TMEM182: variants seen among roughly 807,000 people sequenced by gnomAD.
The protein encoded by TMEM182 is transmembrane protein 182.
TMEM182 carries 20 observed loss-of-function variants against 26.8 expected under a neutral mutation model. That is an observed-to-expected ratio of 0.75 (90% CI 0.53 to 1.09). TMEM182 has a LOEUF of 1.09. Among genes scored for constraint, TMEM182 ranks in the 50% least tolerant of loss-of-function variants. The probability of loss-of-function intolerance (pLI) is 0.00; values close to 1 mark genes in which losing one functional copy is unlikely to be tolerated. For missense variants in TMEM182, 277 were observed against 275.5 expected (o/e 1.01, Z -0.04); for synonymous variants, 109 against 102.2 (o/e 1.07, Z -0.40).
chr2:102,768,721 C>T (rs755672554), intron 3 of TMEM182, among the ~76,000 whole-genome samples: 15 of 151,742 alleles, frequency 9.9e-5, no homozygotes, highest in Admixed American at 7.2e-4. Flanking sequence ...TATTTTTTTG[C>T]GTGCTTTTTG....
At chr2:102,770,092 C>T (rs554631214) in intron 3 of TMEM182, among the ~76,000 whole-genome samples, 7 of 151,970 alleles carry the variant, frequency 4.6e-5, no homozygotes, top group Non-Finnish European at 7.4e-5. Flanking sequence ...GGAAAGAAGA[C>T]AGTAAAATAC....
chr2:102,763,114 A>G (rs1680283996), intron 2 of TMEM182, among the ~76,000 whole-genome samples: 1 of 152,156 alleles, frequency 6.6e-6, no homozygotes, highest in African/African-American at 2.4e-5. Flanking sequence ...CATAACTTCA[A>G]AGTTAACAGT....
At position 102,762,078 on chromosome 2, in the gene TMEM182, G is replaced by A; in HGVS notation, c.-140G>A. The A allele has an allele frequency of 1.4e-6, 1 of 717,136 alleles. No individual in the cohort carries two copies. Among genetic ancestry groups the A allele is most frequent in the South Asian group, 1.9e-5 (1 of 51,512 alleles). The allele number at this position is 717,136 out of a possible 1,614,324, so 44.4% of individuals were successfully genotyped here. On this transcript the variant is annotated 5_prime_UTR_variant, in exon 1 of 5. It removes the in-frame stop codon of an upstream open reading frame in the 5' UTR. Transcript: ENST00000412401. ...CGAGAAGCCACCAAAACATGAGCTA[G>A]GACAGCCTTCTCAAGAAGATTCTGC...
At chr2:102,805,337 T>TGTGAGAATGTGAAGAGAGGA (rs1682306602) in intron 4 of TMEM182, among the ~76,000 whole-genome samples, 1 of 152,094 alleles carries the variant, frequency 6.6e-6, no homozygotes, top group Non-Finnish European at 1.5e-5. Flanking sequence ...GGGTGAAGGC[T>TGTGAGAATGTGAAGAGAGGA]GTGAGAATGT....
chr2:102,810,655 G>T (rs1682522329), intron 4 of TMEM182, among the ~76,000 whole-genome samples: 1 of 152,094 alleles, frequency 6.6e-6, no homozygotes, highest in South Asian at 2.1e-4. Context: ...CAGTTTCACT[G>T]TGGTCACAAA....
chr2:102,739,650 CT>C (rs1237566475), intron 1 of TMEM182, among the ~76,000 whole-genome samples: 1 of 152,182 alleles, frequency 6.6e-6, no homozygotes, highest in East Asian at 1.9e-4. Flanking sequence ...TCCTCCTTTG[CT>C]TCCACCATGA....
chr2:102,762,158 T>A lies in TMEM182; in HGVS notation c.-60T>A. On this transcript the variant is annotated 5_prime_UTR_variant, in exon 1 of 5. Transcript: ENST00000412401. ...TTTTTTGCTGTTGTTTCTGAGAAAC[T>A]AGGTGTCTTACCATTTTAAAATTTC... is the stretch of plus-strand genomic sequence containing the variant. 5 of 1,190,438 alleles carry A rather than the reference T, an allele frequency of 4.2e-6. No homozygotes were observed. Among genetic ancestry groups the A allele is most frequent in the Non-Finnish European group, 5.9e-6 (5 of 840,492 alleles). 73.7% of individuals were successfully genotyped at this position (1,190,438 alleles called of 1,614,324 possible).
chr2:102,828,045 C>G (rs940830890), intron 3 of TMEM182, among the ~76,000 whole-genome samples: 1 of 152,072 alleles, frequency 6.6e-6, no homozygotes, highest in Non-Finnish European at 1.5e-5. Context: ...GAGCCGAGAT[C>G]GTGCCACTGC....
At chr2:102,774,862 C>T (rs1319781268) in intron 3 of TMEM182, among the ~76,000 whole-genome samples, 2 of 151,996 alleles carry the variant, frequency 1.3e-5, no homozygotes, top group Non-Finnish European at 2.9e-5. Flanking sequence ...ATTTATCTAT[C>T]TAGTAAATGT....
chr2:102,814,629 T>A, intron 4 of TMEM182, 119 bp from the exon 5 acceptor site: 1 of 848,014 alleles, frequency 1.2e-6, no homozygotes, highest in South Asian at 1.8e-5. Flanking sequence ...CGTAGAGTAT[T>A]TGATTTTGCT....
chr2:102,841,519 A>C (rs988187475), intron 3 of TMEM182, among the ~76,000 whole-genome samples: 2 of 152,232 alleles, frequency 1.3e-5, no homozygotes, highest in Non-Finnish European at 2.9e-5. Context: ...TTCTTGAACC[A>C]AAACTGCAGA....
At chr2:102,793,386 C>T (rs573206376) in intron 3 of TMEM182, among the ~76,000 whole-genome samples, 1 of 152,176 alleles carries the variant, frequency 6.6e-6, no homozygotes, top group African/African-American at 2.4e-5. Context: ...GTAGAACTTT[C>T]TGTATCAGTA....
chr2:102,745,405 G>A (rs1342098204), intron 1 of TMEM182, among the ~76,000 whole-genome samples: 1 of 152,008 alleles, frequency 6.6e-6, no homozygotes, highest in African/African-American at 2.4e-5. Context: ...CTTCAACATA[G>A]GAGTCATATC....
intron 1 of TMEM182, among the ~76,000 whole-genome samples, chr2:102,746,657 G>A (rs1195831839): frequency 1.3e-5 from 2 of 151,964 alleles, no homozygotes; most frequent in African/African-American, 4.8e-5. Context: ...GCAATGGCGC[G>A]ATCGTGGCTC....
intron 1 of TMEM182, among the ~76,000 whole-genome samples, chr2:102,739,638 G>C (rs1338330631): frequency 6.6e-6 from 1 of 152,146 alleles, no homozygotes; most frequent in Non-Finnish European, 1.5e-5. Flanking sequence ...GAGATGCCTA[G>C]CTCCTCCTTT....
At chr2:102,782,714 C>G (rs1487554626) in intron 3 of TMEM182, among the ~76,000 whole-genome samples, 2 of 152,094 alleles carry the variant, frequency 1.3e-5, no homozygotes, top group Non-Finnish European at 2.9e-5. Flanking sequence ...ATTTATGATT[C>G]GTGTTCCTCA....
At chr2:102,817,743 CTG>C, downstream of TMEM182, 1 of 978,854 alleles carries the variant, frequency 1.0e-6, no homozygotes, top group Non-Finnish European at 1.2e-6. Flanking sequence ...GGGTGCATGT[CTG>C]TGTATATTTG....
intron 3 of TMEM182, among the ~76,000 whole-genome samples, chr2:102,786,213 T>G (rs899157318): frequency 7.0e-6 from 1 of 143,206 alleles, no homozygotes; most frequent in African/African-American, 2.6e-5. Flanking sequence ...GCAATCTGTT[T>G]TTTTTTTTTT....
intron 3 of TMEM182, among the ~76,000 whole-genome samples, chr2:102,788,460 A>C (rs1375499027): frequency 6.6e-6 from 1 of 152,100 alleles, no homozygotes; most frequent in East Asian, 1.9e-4. Context: ...ACAGGACCTC[A>C]GTCCCCTCAG....
Sources: allele counts gnomAD v4.1 joint callset (sites outside exome capture counted in the v4.1 genomes callset), GRCh38; gene constraint gnomAD v4.1.1; transcripts MANE v1.5; gene names NCBI Gene and HGNC (gene_info 2026-07-23, HGNC 2026-07-21).